Variants in SLC17A1 observed in about 807,000 individuals in gnomAD.
The protein encoded by SLC17A1 is solute carrier family 17 member 1.
SLC17A1 carries 51 observed loss-of-function variants against 53.5 expected under a neutral mutation model. The observed-to-expected ratio is 0.95, with a 90% confidence interval of 0.76 to 1.20. The LOEUF (loss-of-function observed/expected upper bound fraction) is 1.20. SLC17A1 is among the 50% of genes most tolerant of loss of function. The pLI is 0.00. For synonymous variants in SLC17A1, 179 were observed against 198.8 expected, an observed-to-expected ratio of 0.90 and a Z score of 0.84; for missense variants, 538 against 568.2, an observed-to-expected ratio of 0.95 and a Z score of 0.54.
At chr6:25,786,125 C>T (rs532154264) in intron 12 of SLC17A1, among the ~76,000 whole-genome samples, 2 of 152,102 alleles carry the variant, frequency 1.3e-5, no homozygotes, top group African/African-American at 2.4e-5. Flanking sequence ...GCCATACAGT[C>T]GAATACTACT....
intron 3 of SLC17A1, among the ~76,000 whole-genome samples, chr6:25,823,098 C>T (rs753826734): frequency 1.3e-5 from 2 of 152,004 alleles, no homozygotes; most frequent in African/African-American, 2.4e-5. Flanking sequence ...GCATAATTAT[C>T]TTCAGTTTTA....
At chr6:25,726,544 G>A in the SLC17A1 span, 6 of 1,596,640 alleles carry the variant, frequency 3.8e-6, no homozygotes, top group South Asian at 1.1e-5. Context: ...GCATCAAATT[G>A]CAGCAACACG....
rs1479174184 is a variant in SLC17A1 at position 25,811,435 on chromosome 6, C to T, written c.1141G>A (p.Gly381Ser). ...TCCAAGCCATTTATAAACACTCCACCCAAGCAAAAGCTGCCTGTTGCACCA... is the reference window on the plus strand; with the variant it reads ...TCCAAGCCATTTATAAACACTCCACTCAAGCAAAAGCTGCCTGTTGCACCA... Reference protein sequence around the residue: ...LAGATGSFCLGGVFINGLDIA... With the variant: ...LAGATGSFCLSGVFINGLDIA... The change falls in exon 10 of 13, where the codon GGT becomes AGT. Residue 381 changes from glycine to serine, a missense_variant. Transcript: ENST00000244527. 2 of 1,613,732 alleles carry T rather than the reference C, an allele frequency of 1.2e-6. No individual in the cohort carries two copies. Among genetic ancestry groups the T allele is most frequent in the Admixed American group, 1.7e-5 (1 of 59,990 alleles).
the SLC17A1 span, chr6:25,726,682 C>T: frequency 7.2e-6 from 8 of 1,106,896 alleles, no homozygotes; most frequent in Non-Finnish European, 1.0e-5. Flanking sequence ...CATTTGCATT[C>T]ACGCCACTTC....
chr6:25,726,923 A>T, the SLC17A1 span: 1 of 1,613,288 alleles, frequency 6.2e-7, no homozygotes, highest in Non-Finnish European at 8.5e-7. Flanking sequence ...CGGAGGTGTC[A>T]TCTAAAGGTG....
At chr6:25,731,869 C>T in the SLC17A1 span, 27 of 1,602,904 alleles carry the variant, frequency 1.7e-5, no homozygotes, top group African/African-American at 1.5e-4. Flanking sequence ...AGCAGGCGCA[C>T]GGCCGTCTGG....
At chr6:25,778,927 TGGGAAGCCCA>T, downstream of SLC17A1, 1 of 1,212,520 alleles carries the variant, frequency 8.2e-7, no homozygotes, top group South Asian at 1.4e-5. Context: ...TAGGACCAAC[TGGGAAGCCCA>T]TGGAAGCCAG....
intron 11 of SLC17A1, among the ~76,000 whole-genome samples, chr6:25,800,088 G>A (rs1384904249): frequency 6.6e-6 from 1 of 152,158 alleles, no homozygotes; most frequent in Non-Finnish European, 1.5e-5. Context: ...GGTTGTAAGT[G>A]TTCCTACAAA....
chr6:25,827,710 A>T (rs1764803582), intron 2 of SLC17A1, among the ~76,000 whole-genome samples: 1 of 152,132 alleles, frequency 6.6e-6, no homozygotes, highest in African/African-American at 2.4e-5. Context: ...CTGATTTGGG[A>T]CCATAATACA....
At chr6:25,768,859 G>A in the SLC17A1 span, 2 of 881,212 alleles carry the variant, frequency 2.3e-6, no homozygotes, top group Non-Finnish European at 3.6e-6. Flanking sequence ...CACACCTACA[G>A]AGGAATGTCT....
At chr6:25,749,229 C>T in the SLC17A1 span, among the ~76,000 whole-genome samples, 9 of 152,190 alleles carry the variant, frequency 5.9e-5, no homozygotes, top group African/African-American at 9.6e-5. Flanking sequence ...TAGAGAATGG[C>T]GATGACTTTT....
chr6:25,815,617 C>T (rs909926634), intron 6 of SLC17A1, among the ~76,000 whole-genome samples: 6 of 152,186 alleles, frequency 3.9e-5, no homozygotes, highest in African/African-American at 9.6e-5. Flanking sequence ...AAAAATTCTC[C>T]TAACTACGTG....
rs1247743165 is a variant in SLC17A1 at position 25,819,669 on chromosome 6, A to AT, written c.441+12dup. On this transcript the variant is annotated intron_variant, in intron 4 of 12. Transcript: ENST00000244527. The stretch of plus-strand genomic sequence containing the variant: ...AATTTAAACTCTGTTCAGTTTTAGC[A>AT]TTATTTTAATACCTGGGCTGCTCCC... 1.2e-6 allele frequency: 2 copies of AT among 1,613,278 alleles called. No homozygotes were observed. The highest frequency in any genetic ancestry group is 2.2e-5 in the South Asian group (2 of 91,038).
the SLC17A1 span, chr6:25,773,178 G>A: frequency 1.1e-6 from 1 of 918,606 alleles, no homozygotes; most frequent in East Asian, 2.4e-5. Context: ...GTGGTGTACT[G>A]AGGCCAGTCA....
chr6:25,832,037 CT>C lies in SLC17A1; in HGVS notation c.-95del, dbSNP rs1764968134. The C allele has an allele frequency of 6.6e-6, 1 of 152,204 alleles. No individual in the cohort carries two copies. The highest frequency in any genetic ancestry group is 2.4e-5 in the African/African-American group (1 of 41,434). The allele number at this position is 152,204 out of a possible 1,614,324, so 9.4% of individuals were successfully genotyped here. On this transcript the variant is annotated 5_prime_UTR_variant, in exon 1 of 13. Coordinates refer to ENST00000244527, the MANE Select transcript of SLC17A1 (RefSeq NM_005074.5). Reference sequence around the variant, plus strand: ...GTGATTTCTTCTTCCGCTGTGAAGACTTTTCTCTCAACTTTACACAATATTG... The same window carrying C: ...GTGATTTCTTCTTCCGCTGTGAAGACTTTCTCTCAACTTTACACAATATTG...
At chr6:25,742,162 A>T in the SLC17A1 span, among the ~76,000 whole-genome samples, 1 of 152,220 alleles carries the variant, frequency 6.6e-6, no homozygotes, top group Non-Finnish European at 1.5e-5. Context: ...TAAAAGAATC[A>T]TCCGGCACAG....
At chr6:25,724,088 A>G in the SLC17A1 span, among the ~76,000 whole-genome samples, 49 of 152,354 alleles carry the variant, frequency 3.2e-4, no homozygotes, top group African/African-American at 1.2e-3. Flanking sequence ...ATAAAAAAGA[A>G]TACCTGGAGA....
intron 12 of SLC17A1, among the ~76,000 whole-genome samples, chr6:25,786,003 A>G (rs967034940): frequency 1.2e-4 from 19 of 152,226 alleles, no homozygotes; most frequent in African/African-American, 4.6e-4. Context: ...ACATATCTTC[A>G]CATAAAAACT....
the SLC17A1 span, among the ~76,000 whole-genome samples, chr6:25,732,251 T>C: frequency 2.6e-5 from 4 of 152,178 alleles, no homozygotes; most frequent in African/African-American, 7.2e-5. Flanking sequence ...TCAACCTACG[T>C]CATTTGCATC....
Sources: allele counts gnomAD v4.1 joint callset (sites outside exome capture counted in the v4.1 genomes callset), GRCh38; gene constraint gnomAD v4.1.1; transcripts MANE v1.5; gene names NCBI Gene and HGNC (gene_info 2026-07-23, HGNC 2026-07-21).